The following USP42 variants were observed in gnomAD, a reference collection of about 807,000 sequenced individuals.
USP42 encodes the protein ubiquitin specific peptidase 42, also known as ubiquitin carboxyl-terminal hydrolase 42.
A neutral mutation model predicts 113.0 loss-of-function variants in USP42; 23 were observed. That is an observed-to-expected ratio of 0.20 (90% CI 0.15 to 0.29). The LOEUF (loss-of-function observed/expected upper bound fraction) is 0.29, where lower values mean the gene tolerates loss of function less well. Among genes scored for constraint, USP42 ranks in the 10% least tolerant of loss-of-function variants. The pLI, the probability that USP42 is intolerant of heterozygous loss-of-function variation, is 1.00. For missense variants in USP42, 2,174 were observed against 1,779.8 expected, an observed-to-expected ratio of 1.22 and a Z score of -3.99; for synonymous variants, 933 against 699.0, an observed-to-expected ratio of 1.33 and a Z score of -5.28.
chr7:6,154,636 G>A lies in USP42; in HGVS notation c.3082G>A (p.Val1028Met), dbSNP rs1365627035. 2 of 1,603,636 alleles carry A rather than the reference G, an allele frequency of 1.2e-6. No individual in the cohort carries two copies. Among genetic ancestry groups the A allele is most frequent in the African/African-American group, 2.7e-5 (2 of 74,738 alleles). ...CCACCACTCCCGACACCGGAGCGGGGTGGAGCTGGACTGGGTCAGACACCA... is the reference window on the plus strand; with the variant it reads ...CCACCACTCCCGACACCGGAGCGGGATGGAGCTGGACTGGGTCAGACACCA... ...SHHHSRHRSG[V>M]ELDWVRHHYT... Residue 1028 changes from valine to methionine, a missense_variant, in exon 15 of 18, where the codon GTG becomes ATG. Val to Met is a conservative substitution (Grantham distance 21, BLOSUM62 1). Transcript: ENST00000306177.
intron 3 of USP42, among the ~76,000 whole-genome samples, chr7:6,118,513 A>G (rs926814131): frequency 6.6e-6 from 1 of 151,906 alleles, no homozygotes; most frequent in East Asian, 1.9e-4. Flanking sequence ...CAGTAAGACC[A>G]TGTCTCAAGG....
chr7:6,140,318 A>G, intron 6 of USP42, 123 bp downstream of exon 6: 2 of 906,936 alleles, frequency 2.2e-6, no homozygotes, highest in South Asian at 3.3e-5. Flanking sequence ...CCAGATTCTC[A>G]TTCCTTTTAC....
intron 1 of USP42, among the ~76,000 whole-genome samples, chr7:6,107,708 C>G (rs1354828379): frequency 6.6e-6 from 1 of 152,068 alleles, no homozygotes; most frequent in Non-Finnish European, 1.5e-5. Context: ...TGCGCCCGGC[C>G]TCTTCTTTCT....
intron 7 of USP42, among the ~76,000 whole-genome samples, chr7:6,141,936 C>G (rs1361837733): frequency 6.6e-6 from 1 of 152,170 alleles, no homozygotes; most frequent in East Asian, 1.9e-4. Flanking sequence ...TGATGTCTGT[C>G]TGGCCACTCA....
chr7:6,155,017 G>A lies in USP42; in HGVS notation c.3463G>A (p.Glu1155Lys), dbSNP rs1213234671. ...CNLSDRFHEH[E>K]NGKSRKRRHD... is the part of the protein sequence containing the mutation. ...CCTCTCTGATCGGTTTCACGAACAC[G>A]AAAATGGAAAGTCCCGGAAACGGAG... The change falls in exon 15 of 18, where the codon GAA becomes AAA. Residue 1155 changes from glutamate (E) to lysine (K), a missense_variant. By Grantham distance (56) the Glu-to-Lys change is moderately conservative. Coordinates refer to ENST00000306177, the MANE Select transcript of USP42 (RefSeq NM_032172.3). The A allele has an allele frequency of 1.3e-6, 2 of 1,564,948 alleles. No homozygotes were observed. Among genetic ancestry groups the A allele is most frequent in the Non-Finnish European group, 1.7e-6 (2 of 1,154,492 alleles).
At chr7:6,131,352 G>T (rs73058640) in intron 3 of USP42, among the ~76,000 whole-genome samples, 16,116 of 151,976 alleles carry the variant, frequency 0.11, 962 homozygotes, top group Non-Finnish European at 0.12. Context: ...GTGCATGCCT[G>T]TAATCCCAGC....
chr7:6,097,732 A>G, the USP42 span, among the ~76,000 whole-genome samples: 1 of 149,272 alleles, frequency 6.7e-6, no homozygotes, highest in East Asian at 1.9e-4. Flanking sequence ...CTGTGACTAC[A>G]GGCGGCCGCC....
At chr7:6,112,903 T>TC (rs1456475746) in intron 2 of USP42, among the ~76,000 whole-genome samples, 3 of 144,500 alleles carry the variant, frequency 2.1e-5, no homozygotes, top group Non-Finnish European at 3.0e-5. Context: ...TAAGTTTCTT[T>TC]TTTTTTTTTT....
chr7:6,119,076 C>T (rs1416169397), intron 3 of USP42, among the ~76,000 whole-genome samples: 1 of 150,932 alleles, frequency 6.6e-6, no homozygotes, highest in Non-Finnish European at 1.5e-5. Flanking sequence ...TTAGCTGCAT[C>T]TGGGAACTCA....
intron 3 of USP42, 56 bp from the exon 4 acceptor site, chr7:6,135,785 G>A (rs1781108710): frequency 2.0e-6 from 2 of 998,674 alleles, no homozygotes; most frequent in Admixed American, 5.6e-5. Context: ...AATTAGCCTT[G>A]ATGTGTGTAT....
At chr7:6,092,057 C>CTT in the USP42 span, among the ~76,000 whole-genome samples, 15 of 56,556 alleles carry the variant, frequency 2.7e-4, no homozygotes, top group Non-Finnish European at 4.0e-4. Context: ...CTTCTTCTTT[C>CTT]TTCTTCTTCT....
At chr7:6,146,876 C>A (rs1057475264) in intron 11 of USP42, among the ~76,000 whole-genome samples, 6 of 152,170 alleles carry the variant, frequency 3.9e-5, no homozygotes, top group African/African-American at 1.4e-4. Flanking sequence ...GTGGAGACCT[C>A]AGGAAGGGAC....
chr7:6,154,300 GCTGAGCCTAGCC>G lies in USP42; in HGVS notation c.2748_2759del (p.Glu917_Pro920del), dbSNP rs1562855807. On this transcript the variant is annotated inframe_deletion, in exon 15 of 18. Coordinates refer to ENST00000306177, the MANE Select transcript of USP42 (RefSeq NM_032172.3). ...CCCGGCCGGTCACCCGGAAGGGGACGCTGAGCCTAGCCCCGGCGAGAGGGTCGAGGACGCCGC... is the reference window on the plus strand; with the variant it reads ...CCCGGCCGGTCACCCGGAAGGGGACGCCGGCGAGAGGGTCGAGGACGCCGC... The G allele has an allele frequency of 6.3e-7, 1 of 1,585,042 alleles. No homozygotes were observed. Among genetic ancestry groups the G allele is most frequent in the Middle Eastern group, 1.7e-4 (1 of 5,940 alleles).
In USP42 at chr7:6,159,658, C is replaced by T. The variant is rs1332092921; in HGVS notation, c.*36+165C>T. On this transcript the variant is annotated intron_variant, in intron 17 of 17. Transcript: ENST00000306177. The surrounding 1 kb of genome is among the most constrained non-coding windows in gnomAD (Gnocchi z 4.1). ...TCCCAGCCAGCCCAGACCCAGGCCACGCGCTTGGGGACAGACCTAGACCCT... is the reference window on the plus strand; with the variant it reads ...TCCCAGCCAGCCCAGACCCAGGCCATGCGCTTGGGGACAGACCTAGACCCT... Among the ~76,000 whole-genome samples the T allele has an allele frequency of 1.3e-5, 2 of 152,160 alleles. No homozygotes were observed. Among genetic ancestry groups the T allele is most frequent in the Admixed American group, 6.5e-5 (1 of 15,286 alleles).
rs755200881 is a variant in USP42 at position 6,115,471 on chromosome 7, C to G, written c.390C>G (p.Thr130=). The G allele has an allele frequency of 7.4e-6, 12 of 1,613,954 alleles. No individual in the cohort carries two copies. Among genetic ancestry groups the G allele is most frequent in the African/African-American group, 4.0e-5 (3 of 74,948 alleles). ...CFANAALQCL[T]YTPPLANYML... ...CCAATGCAGCACTGCAGTGTTTAAC[C>G]TACACACCACCTCTTGCCAATTACA... Residue 130 remains threonine, a synonymous_variant, in exon 3 of 18, where the codon ACC becomes ACG. Transcript: ENST00000306177.
chr7:6,118,730 TG>T (rs1780048159), intron 3 of USP42, among the ~76,000 whole-genome samples: 1 of 152,160 alleles, frequency 6.6e-6, no homozygotes, highest in South Asian at 2.1e-4. Flanking sequence ...CACCATTTGT[TG>T]GAAACATAAT....
At chr7:6,160,140 T>C (rs1583709875) in intron 17 of USP42, among the ~76,000 whole-genome samples, 1 of 152,258 alleles carries the variant, frequency 6.6e-6, no homozygotes, top group East Asian at 1.9e-4. Context: ...AAAGGAAACT[T>C]TGTCCAAATG....
chr7:6,109,640 C>G (rs1779483169), intron 1 of USP42, among the ~76,000 whole-genome samples: 1 of 151,072 alleles, frequency 6.6e-6, no homozygotes, highest in South Asian at 2.1e-4. Context: ...GTGATCCACC[C>G]ACTTTGGCCT....
At chr7:6,086,269 G>C in the USP42 span, among the ~76,000 whole-genome samples, 6 of 144,406 alleles carry the variant, frequency 4.2e-5, 3 homozygotes, top group African/African-American at 1.6e-4. Flanking sequence ...GTAGTGGCGC[G>C]ATCTCAGTTC....
Sources: gnomAD v4.1 joint callset for allele counts (sites outside exome capture counted in the v4.1 genomes callset) on GRCh38, gnomAD v4.1.1 for gene constraint, Gnocchi (gnomAD v3.1) non-coding constraint, MANE v1.5 for transcripts, NCBI Gene and HGNC (gene_info 2026-07-23, HGNC 2026-07-21) for gene names.